Variants in PCDH17 observed in about 807,000 individuals in gnomAD.
PCDH17 encodes the protein protocadherin-17.
Under a neutral mutation model 67.7 loss-of-function variants are expected in PCDH17, and 21 were observed. That is an observed-to-expected ratio of 0.31 (90% CI 0.22 to 0.45). The LOEUF is 0.45. Among genes scored for constraint, PCDH17 ranks in the 20% least tolerant of loss-of-function variants. PCDH17 has a pLI of 1.00. For missense variants in PCDH17, 1,471 were observed against 1,564.8 expected, an observed-to-expected ratio of 0.94 and a Z score of 1.01; for synonymous variants, 701 against 656.7, an observed-to-expected ratio of 1.07 and a Z score of -1.03.
intron 3 of PCDH17, among the ~76,000 whole-genome samples, chr13:57,689,694 T>C (rs1955539464): frequency 6.6e-6 from 1 of 151,964 alleles, no homozygotes; most frequent in African/African-American, 2.4e-5. Flanking sequence ...ATATATAATT[T>C]GTGGATTTAT....
intron 3 of PCDH17, among the ~76,000 whole-genome samples, chr13:57,718,255 TTAAAA>T (rs1281885965): frequency 2.0e-5 from 3 of 152,002 alleles, no homozygotes; most frequent in Non-Finnish European, 4.4e-5. Context: ...AAAAATGGTG[TTAAAA>T]TAAAACTTGG....
intron 3 of PCDH17, among the ~76,000 whole-genome samples, chr13:57,681,504 C>T (rs946698583): frequency 1.3e-5 from 2 of 151,622 alleles, no homozygotes; most frequent in African/African-American, 4.8e-5. Context: ...TGTTTTGGTG[C>T]TTATATAGAT....
intron 1 of PCDH17, among the ~76,000 whole-genome samples, chr13:57,641,577 AAAAAAAAAAAATATATATATATATATAT>A (rs1954900133): frequency 1.3e-5 from 1 of 77,558 alleles, no homozygotes; most frequent in Non-Finnish European, 2.5e-5. Flanking sequence ...AAAAAAAAAA[AAAAAAAAAAAATATATATATATATATAT>A]ATATATATAT....
chr13:57,634,475 C>T lies in PCDH17; in HGVS notation c.1929C>T (p.Gly643=). 1.2e-6 allele frequency: 2 copies of T among 1,612,858 alleles called. No individual in the cohort carries two copies. Among genetic ancestry groups the T allele is most frequent in the Non-Finnish European group, 1.7e-6 (2 of 1,179,990 alleles). Residue 643 remains glycine (G), a synonymous_variant, in exon 1 of 4, where the codon GGC becomes GGT. Transcript: ENST00000377918. This position sits in a 1 kb window ranked among gnomAD's most constrained non-coding sequence, Gnocchi z 7.8. ...DHLFEIDPSS[G]EIRTLHPFWE... is the part of the protein sequence containing the mutation. ...TGTTTGAGATCGACCCGTCCAGCGG[C>T]GAGATCCGCACGCTGCACCCTTTCT...
At chr13:57,644,944 T>C (rs1360926530) in intron 1 of PCDH17, among the ~76,000 whole-genome samples, 2 of 151,632 alleles carry the variant, frequency 1.3e-5, no homozygotes, top group Admixed American at 1.3e-4. Flanking sequence ...AAAAGTGTGG[T>C]AAAATAATAT....
Position 57,632,889 on chromosome 13 carries a change from A to T in PCDH17, c.343A>T (p.Ile115Phe). ...SLEVFANDKE[I>F]CMIKVEIQDI... is the part of the protein sequence containing the mutation. ...CGAGGTGTTCGCCAACGACAAGGAGATCTGCATGATCAAGGTAGAGATCCA... is the reference window on the plus strand; with the variant it reads ...CGAGGTGTTCGCCAACGACAAGGAGTTCTGCATGATCAAGGTAGAGATCCA... The change falls in exon 1 of 4, where the codon ATC becomes TTC. Residue 115 changes from isoleucine to phenylalanine, a missense_variant. Ile to Phe is a conservative substitution (Grantham distance 21). Transcript: ENST00000377918. 6.2e-7 allele frequency: 1 copy of T among 1,614,002 alleles called. No individual in the cohort carries two copies. Among genetic ancestry groups the T allele is most frequent in the Non-Finnish European group, 8.5e-7 (1 of 1,180,012 alleles).
chr13:57,690,387 C>T (rs1027856038), intron 3 of PCDH17, among the ~76,000 whole-genome samples: 1 of 151,514 alleles, frequency 6.6e-6, no homozygotes, highest in Admixed American at 6.6e-5. Flanking sequence ...TCTAGAATAA[C>T]TTTTAAGAAT....
intron 3 of PCDH17, among the ~76,000 whole-genome samples, chr13:57,689,758 A>G (rs1288488354): frequency 6.6e-6 from 1 of 151,932 alleles, no homozygotes; most frequent in Non-Finnish European, 1.5e-5. Context: ...AATTTCTTCA[A>G]AATCATTAGT....
intron 3 of PCDH17, among the ~76,000 whole-genome samples, chr13:57,707,334 C>CGTGTGTGTGTGT (rs56840875): frequency 5.6e-4 from 82 of 145,810 alleles, no homozygotes; most frequent in South Asian, 1.1e-3. Flanking sequence ...GATATATGAC[C>CGTGTGTGTGTGT]GTGTGTGTGT....
chr13:57,677,432 A>G (rs1955404105), intron 3 of PCDH17, among the ~76,000 whole-genome samples: 1 of 151,858 alleles, frequency 6.6e-6, no homozygotes, highest in Non-Finnish European at 1.5e-5. Flanking sequence ...AGAGATGAAC[A>G]GAATTTTACT....
rs555924574 is a variant in PCDH17 at position 57,726,018 on chromosome 13, G to A, written c.*724G>A. On this transcript the variant is annotated 3_prime_UTR_variant, in exon 4 of 4. Coordinates refer to ENST00000377918, the MANE Select transcript of PCDH17 (RefSeq NM_001040429.3). ...CCTGCACACACGTAGACTAATTCACGTCATTAAAGAAGAAGAAAACTTAAA... is the reference window on the plus strand; with the variant it reads ...CCTGCACACACGTAGACTAATTCACATCATTAAAGAAGAAGAAAACTTAAA... The A allele has an allele frequency of 6.6e-5, 10 of 152,440 alleles. No homozygotes were observed. The highest frequency in any genetic ancestry group is 4.2e-4 in the South Asian group (2 of 4,818). 9.4% of individuals were successfully genotyped at this position (152,440 alleles called of 1,614,324 possible).
chr13:57,662,724 T>C (rs1054423866), intron 1 of PCDH17, among the ~76,000 whole-genome samples: 6 of 152,212 alleles, frequency 3.9e-5, no homozygotes, highest in African/African-American at 1.2e-4. Context: ...AGGAATAGTT[T>C]ATTACTGAAT....
rs1425153339 is a variant in PCDH17, at chr13:57,724,939, C to T, written c.3125C>T (p.Ala1042Val). 2.5e-6 allele frequency: 4 copies of T among 1,614,158 alleles called. No homozygotes were observed. The highest frequency in any genetic ancestry group is 1.7e-5 in the Admixed American group (1 of 60,022). The change falls in exon 4 of 4, where the codon GCG (alanine) becomes GTG (valine). Residue 1042 changes from alanine to valine, a missense_variant. Ala to Val is a moderately conservative substitution (Grantham distance 64). Coordinates refer to ENST00000377918, the MANE Select transcript of PCDH17 (RefSeq NM_001040429.3). ...TCAGCATCAAGCAGCCCAACCAAGG[C>T]GTGCATCGAGCCTTGCACCTCAACA... ...VPSASSSPTKACIEPCTSTKG... is the reference protein window; with the variant it reads ...VPSASSSPTKVCIEPCTSTKG...
intron 1 of PCDH17, among the ~76,000 whole-genome samples, chr13:57,636,586 T>G (rs992131841): frequency 6.6e-6 from 1 of 152,138 alleles, no homozygotes; most frequent in Non-Finnish European, 1.5e-5. Context: ...TAGTGTTTAC[T>G]ATACATCAGT....
chr13:57,723,132 C>T (rs1955884994), intron 3 of PCDH17, among the ~76,000 whole-genome samples: 2 of 152,130 alleles, frequency 1.3e-5, no homozygotes, highest in African/African-American at 4.8e-5. Context: ...TTAATTTACT[C>T]ATAAGAAAAC....
intron 1 of PCDH17, among the ~76,000 whole-genome samples, chr13:57,647,234 A>C (rs1454737741): frequency 6.6e-6 from 1 of 151,858 alleles, no homozygotes; most frequent in African/African-American, 2.4e-5. Flanking sequence ...TCATTTGTTT[A>C]AAAGACTTTG....
chr13:57,662,087 G>A (rs931584587), intron 1 of PCDH17, among the ~76,000 whole-genome samples: 5 of 152,112 alleles, frequency 3.3e-5, no homozygotes, highest in East Asian at 1.9e-4. Context: ...GGCTGGTCTC[G>A]AACTCCTGGC....
chr13:57,634,095 G>C lies in PCDH17; in HGVS notation c.1549G>C (p.Gly517Arg). 6.2e-7 allele frequency: 1 copy of C among 1,613,448 alleles called. No individual in the cohort carries two copies. Among genetic ancestry groups the C allele is most frequent in the Non-Finnish European group, 8.5e-7 (1 of 1,180,016 alleles). ...VSYSILPSHI[G>R]DVSIYTYVSV... is the part of the protein sequence containing the mutation. ...CTACTCTATCCTGCCCTCGCACATC[G>C]GCGACGTGTCTATCTACACCTATGT... Residue 517 changes from glycine (G) to arginine (R), a missense_variant, in exon 1 of 4, where the codon GGC becomes CGC. Physicochemically the swap from Gly to Arg is moderately radical, Grantham distance 125. Coordinates refer to ENST00000377918, the MANE Select transcript of PCDH17 (RefSeq NM_001040429.3). The surrounding 1 kb of genome is among the most constrained non-coding windows in gnomAD (Gnocchi z 7.8).
chr13:57,669,465 CTA>C (rs1403286121), intron 3 of PCDH17, among the ~76,000 whole-genome samples: 1 of 151,732 alleles, frequency 6.6e-6, no homozygotes, highest in Non-Finnish European at 1.5e-5. Flanking sequence ...TACTTCTCAT[CTA>C]TATATCTCTT....
Sources: allele counts gnomAD v4.1 joint callset (sites outside exome capture counted in the v4.1 genomes callset), GRCh38; gene constraint gnomAD v4.1.1; non-coding constraint Gnocchi (gnomAD v3.1); transcripts MANE v1.5; gene names NCBI Gene and HGNC (gene_info 2026-07-23, HGNC 2026-07-21).